MAP1LC3A: variants seen among roughly 807,000 people sequenced by gnomAD.
MAP1LC3A encodes the protein microtubule-associated protein 1 light chain 3 alpha.
MAP1LC3A carries 10 observed loss-of-function variants against 15.2 expected under a neutral mutation model. The ratio of observed to expected loss-of-function variants is 0.66; its 90% CI spans 0.41 to 1.12. MAP1LC3A has a LOEUF of 1.12. Among genes scored for constraint, MAP1LC3A ranks in the 50% most tolerant of loss-of-function variants. MAP1LC3A has a pLI of 0.00. For synonymous variants in MAP1LC3A, 63 were observed against 64.3 expected (o/e 0.98, Z 0.10); for missense variants, 138 against 167.3 (o/e 0.82, Z 0.97).
rs1266905729 is a variant in MAP1LC3A, at chr20:34,547,389, A to AT, written c.-74+480dup. ...CAGTGGAATTTTTTTTTTAATTAAAATTTTTTTCTTCCCCAACCGCTCCCC... is the reference window on the plus strand; with the variant it reads ...CAGTGGAATTTTTTTTTTAATTAAAATTTTTTTTCTTCCCCAACCGCTCCCC... On this transcript the variant is annotated intron_variant, in intron 1 of 4. Coordinates refer to the MAP1LC3A transcript ENST00000374837. Among the ~76,000 whole-genome samples the AT allele has an allele frequency of 3.0e-5, 4 of 132,250 alleles. No individual in the cohort carries two copies. In the East Asian group the frequency reaches 8.6e-4, roughly 28 times the overall value. The allele number at this position is 132,250 out of a possible 152,430, so 86.8% of individuals were successfully genotyped here. A position where few individuals can be genotyped will look rare whatever the true frequency, so the allele number is the denominator to read the frequency against.
At chr20:34,553,149 G>T (rs114842186) in intron 2 of MAP1LC3A, among the ~76,000 whole-genome samples, 2 of 152,058 alleles carry the variant, frequency 1.3e-5, no homozygotes, top group Non-Finnish European at 2.9e-5. Flanking sequence ...ATATTGTGCC[G>T]TTGCACTCCC....
At chr20:34,557,131 C>T (rs143024030), upstream of MAP1LC3A, among the ~76,000 whole-genome samples, 7 of 152,316 alleles carry the variant, frequency 4.6e-5, no homozygotes, top group Admixed American at 2.0e-4. Flanking sequence ...TAAATTTCCT[C>T]TTGTAAATAG....
chr20:34,548,853 C>A (rs1981840613), intron 1 of MAP1LC3A, among the ~76,000 whole-genome samples: 1 of 149,628 alleles, frequency 6.7e-6, no homozygotes, highest in African/African-American at 2.5e-5. Flanking sequence ...CTACAGGCGC[C>A]CGCCACCATG....
At chr20:34,550,110 C>T in intron 2 of MAP1LC3A, 2 of 1,413,438 alleles carry the variant, frequency 1.4e-6, no homozygotes, top group Non-Finnish European at 2.0e-6. Context: ...AGTGGCCAAG[C>T]AGGCCAGGGT....
At chr20:34,547,337 G>A (rs1271398028) in intron 1 of MAP1LC3A, among the ~76,000 whole-genome samples, 3 of 151,856 alleles carry the variant, frequency 2.0e-5, no homozygotes, top group Non-Finnish European at 4.4e-5. Flanking sequence ...GCTGGGTGAG[G>A]AAGGGAAGTG....
In MAP1LC3A at chr20:34,559,936, C is replaced by T. The variant is rs955449237; in HGVS notation, c.*38C>T. The stretch of plus-strand genomic sequence containing the variant: ...GGGGCTCGGCCTGGGAGTCGGGCGG[C>T]CCCGGTCAGGCCCTGCCCAGAGAGC... On this transcript the variant is annotated 3_prime_UTR_variant, in exon 4 of 4. Transcript: ENST00000360668. 5 of 1,582,892 alleles carry T rather than the reference C, an allele frequency of 3.2e-6. No homozygotes were observed. Among genetic ancestry groups the T allele is most frequent in the Admixed American group, 1.8e-5 (1 of 56,136 alleles).
At chr20:34,553,235 G>A (rs978726323) in intron 2 of MAP1LC3A, among the ~76,000 whole-genome samples, 1 of 152,094 alleles carries the variant, frequency 6.6e-6, no homozygotes, top group Non-Finnish European at 1.5e-5. Context: ...CCTGAAAAGG[G>A]GAGACAAAAG....
upstream of MAP1LC3A, chr20:34,558,121 T>G: frequency 1.0e-6 from 1 of 984,978 alleles, no homozygotes; most frequent in Non-Finnish European, 1.2e-6. The surrounding 1 kb of genome is among the most constrained non-coding windows in gnomAD (Gnocchi z 4.3). Context: ...CCCCATCACC[T>G]GTCTCTCTGG....
In MAP1LC3A at chr20:34,559,099, CG is replaced by C. The variant is rs961706019; in HGVS notation, c.41-104del. 5,011 of 1,351,000 alleles carry C rather than the reference CG, an allele frequency of 3.7e-3. 21 individuals are homozygous for C. Among genetic ancestry groups the C allele is most frequent in the Middle Eastern group, 0.024 (88 of 3,634 alleles). 83.7% of individuals were successfully genotyped at this position (1,351,000 alleles called of 1,614,324 possible). On this transcript the variant is annotated intron_variant, in intron 1 of 3. Transcript: ENST00000360668. ...CAGGGGCTGTGGGGCCTGATGGCCC[CG>C]GGGGTGGGGGCTGGAGCTGGGGCGT...
Position 34,559,169 on chromosome 20 carries a change from C to G in MAP1LC3A, c.41-39C>G, listed in dbSNP as rs1265157556. The stretch of plus-strand genomic sequence containing the variant: ...CGGGACAGGCGGGGCGGACCTGGGC[C>G]GGCCCGACCCGGCCTCACGGTCTGG... On this transcript the variant is annotated intron_variant, in intron 1 of 3. Transcript: ENST00000360668. 5.3e-6 allele frequency: 8 copies of G among 1,518,776 alleles called. No homozygotes were observed. The East Asian group carries it at 7.4e-5, about 14-fold the overall frequency. The allele number at this position is 1,518,776 out of a possible 1,614,324, so 94.1% of individuals were successfully genotyped here. A position where few individuals can be genotyped will look rare whatever the true frequency, so the allele number is the denominator to read the frequency against.
intron 1 of MAP1LC3A, among the ~76,000 whole-genome samples, chr20:34,549,091 T>A (rs1275122427): frequency 6.6e-6 from 1 of 152,004 alleles, no homozygotes; most frequent in Non-Finnish European, 1.5e-5. Flanking sequence ...AGTGGTGCAA[T>A]CTTGGCTCAC....
upstream of MAP1LC3A, among the ~76,000 whole-genome samples, chr20:34,553,974 G>A (rs995508994): frequency 4.6e-5 from 7 of 152,176 alleles, no homozygotes; most frequent in Admixed American, 3.9e-4. Context: ...GGCACACACA[G>A]TGGAATTCCT....
At position 34,549,283 on chromosome 20, in the gene MAP1LC3A, C is replaced by T. The variant is rs541298343; in HGVS notation, c.-73-622C>T. On this transcript the variant is annotated intron_variant, in intron 1 of 4. Coordinates refer to the MAP1LC3A transcript ENST00000374837. ...TCAGGTGATCAGACCACCTTGGCCT[C>T]CCAAAGTGCTGGGATTACAGGCACG... 3.9e-5 allele frequency among the ~76,000 whole-genome samples: 6 copies of T among 152,306 alleles called. No homozygotes were observed. The South Asian group carries it at 1.2e-3, about 32-fold the overall frequency.
At position 34,558,764 on chromosome 20, in the gene MAP1LC3A, C is replaced by G. The variant is rs1255869528; in HGVS notation, c.-105C>G. Reference sequence around the variant, plus strand: ...CGCAGCCGCCGTGCTCAGCGCGAGCCCCGGAGCCCTTGAGCGCGAGGCGCG... The same window carrying G: ...CGCAGCCGCCGTGCTCAGCGCGAGCGCCGGAGCCCTTGAGCGCGAGGCGCG... On this transcript the variant is annotated 5_prime_UTR_variant, in exon 1 of 4. Transcript: ENST00000360668. The surrounding 1 kb of genome is among the most constrained non-coding windows in gnomAD (Gnocchi z 4.3). 7.5e-7 allele frequency: 1 copy of G among 1,339,760 alleles called. No homozygotes were observed. Among genetic ancestry groups the G allele is most frequent in the Non-Finnish European group, 9.5e-7 (1 of 1,053,772 alleles). 83.0% of individuals were successfully genotyped at this position (1,339,760 alleles called of 1,614,324 possible).
At chr20:34,555,364 C>A (rs1158863598), upstream of MAP1LC3A, among the ~76,000 whole-genome samples, 3 of 151,586 alleles carry the variant, frequency 2.0e-5, no homozygotes, top group African/African-American at 7.3e-5. Flanking sequence ...AGGCTGGTCT[C>A]GAACTCCTGG....
At position 34,559,810 on chromosome 20, in the gene MAP1LC3A, C is replaced by T. The variant is rs1982367629; in HGVS notation, c.278C>T (p.Thr93Met). The change falls in exon 4 of 4, where the codon ACG becomes ATG. Residue 93 changes from threonine (T) to methionine (M), a missense_variant. Thr to Met is a moderately conservative substitution (Grantham distance 81, BLOSUM62 -1). Coordinates refer to ENST00000360668, the MANE Select transcript of MAP1LC3A (RefSeq NM_032514.4). ...CAGCACAGCATGGTGAGTGTGTCCACGCCCATCGCGGACATCTACGAGCAG... is the reference window on the plus strand; with the variant it reads ...CAGCACAGCATGGTGAGTGTGTCCATGCCCATCGCGGACATCTACGAGCAG... ...VNQHSMVSVS[T>M]PIADIYEQEK... 1.2e-6 allele frequency: 2 copies of T among 1,613,864 alleles called. No individual in the cohort carries two copies. Among genetic ancestry groups the T allele is most frequent in the Admixed American group, 1.7e-5 (1 of 60,000 alleles).
upstream of MAP1LC3A, chr20:34,558,620 C>G: frequency 1.6e-6 from 2 of 1,222,814 alleles, no homozygotes; most frequent in Non-Finnish European, 2.0e-6. This position sits in a 1 kb window ranked among gnomAD's most constrained non-coding sequence, Gnocchi z 4.3. Context: ...GCTCTCTGCG[C>G]CGTGACGTCA....
upstream of MAP1LC3A, among the ~76,000 whole-genome samples, chr20:34,553,965 GCA>G (rs749869086): frequency 2.0e-5 from 3 of 152,174 alleles, no homozygotes; most frequent in Non-Finnish European, 4.4e-5. Context: ...GGGCTCCTGG[GCA>G]CACACAGTGG....
At chr20:34,549,665 CA>C (rs1981872285) in intron 1 of MAP1LC3A, among the ~76,000 whole-genome samples, 1 of 152,284 alleles carries the variant, frequency 6.6e-6, no homozygotes, top group African/African-American at 2.4e-5. Flanking sequence ...CATCCTAATT[CA>C]GGGGGCGGGT....
Sources: allele counts gnomAD v4.1 joint callset (sites outside exome capture counted in the v4.1 genomes callset), GRCh38; gene constraint gnomAD v4.1.1; non-coding constraint Gnocchi (gnomAD v3.1); transcripts MANE v1.5; gene names NCBI Gene and HGNC (gene_info 2026-07-23, HGNC 2026-07-21).